Variants in EXD3 observed in about 807,000 individuals in gnomAD.
EXD3 encodes exonuclease mut-7 homolog.
EXD3 carries 92 observed loss-of-function variants against 98.0 expected under a neutral mutation model. The observed-to-expected ratio is 0.94, with a 90% CI of 0.79 to 1.12. The LOEUF (loss-of-function observed/expected upper bound fraction) is 1.12, where lower values mean the gene tolerates loss of function less well. Among genes scored for constraint, EXD3 ranks in the 50% most tolerant of loss-of-function variants. EXD3 has a pLI of 0.00. For missense variants in EXD3, 1,222 were observed against 1,191.6 expected, an observed-to-expected ratio of 1.03 and a Z score of -0.38; for synonymous variants, 569 against 526.0, an observed-to-expected ratio of 1.08 and a Z score of -1.12.
chr9:137,323,506 G>A (rs1264298570), intron 19 of EXD3, among the ~76,000 whole-genome samples: 2 of 93,984 alleles, frequency 2.1e-5, no homozygotes, highest in Non-Finnish European at 3.9e-5. Flanking sequence ...ATGATCTGCC[G>A]ACACCTCACC....
At position 137,420,246 on chromosome 9, in the gene EXD3, C is replaced by T. The variant is rs979919173; in HGVS notation, c.-48+2868G>A. On this transcript the variant is annotated intron_variant, in intron 1 of 21. Transcript: ENST00000340951. ...GCTTTTTATGATTTTTTGTTGTTAT[C>T]GAAACCTTGCTGACTCTTTTTATAT... 6.6e-5 allele frequency among the ~76,000 whole-genome samples: 10 copies of T among 151,560 alleles called. No individual in the cohort carries two copies. The South Asian group carries it at 1.0e-3, about 16-fold the overall frequency.
At chr9:137,415,131 G>T (rs776959822) in intron 1 of EXD3, among the ~76,000 whole-genome samples, 1 of 151,630 alleles carries the variant, frequency 6.6e-6, no homozygotes, top group Non-Finnish European at 1.5e-5. Flanking sequence ...CAAGCAATCC[G>T]CCCACCTCGG....
chr9:137,387,625 C>A lies in EXD3; in HGVS notation c.56-4248G>T, dbSNP rs537522756. Among the ~76,000 whole-genome samples, 96 of 152,276 alleles carry A rather than the reference C, an allele frequency of 6.3e-4. 1 individual carries two copies. Among genetic ancestry groups the A allele is most frequent in the African/African-American group, 2.2e-3 (92 of 41,556 alleles). On this transcript the variant is annotated intron_variant, in intron 2 of 21. Coordinates refer to ENST00000340951, the MANE Select transcript of EXD3 (RefSeq NM_017820.5). The stretch of plus-strand genomic sequence containing the variant: ...GCCTGGGAGAGCCCTGGGGGACACA[C>A]CCCACTCAGCACACAGCACCCCACG...
At chr9:137,374,443 G>A (rs768000603) in intron 3 of EXD3, 16 of 506,904 alleles carry the variant, frequency 3.2e-5, no homozygotes, top group East Asian at 1.5e-4. Context: ...TCGTCCCTGC[G>A]ATGTGGATGG....
Position 137,328,650 on chromosome 9 carries a change from GACTACAC to G in EXD3, c.1999-4514_1999-4508del, listed in dbSNP as rs2119127916. ...CACGGGACTACACGGGGCTACACGG[GACTACAC>G]GGGACTACACGGGACTACACGGGGC... is the stretch of plus-strand genomic sequence containing the variant. On this transcript the variant is annotated intron_variant, in intron 17 of 21. Coordinates refer to ENST00000340951, the MANE Select transcript of EXD3 (RefSeq NM_017820.5). 8.3e-5 allele frequency among the ~76,000 whole-genome samples: 7 copies of G among 84,596 alleles called. 1 individual carries two copies. The highest frequency in any genetic ancestry group is 3.9e-4 in the African/African-American group (6 of 15,332). 55.5% of individuals were successfully genotyped at this position (84,596 alleles called of 152,430 possible).
intron 5 of EXD3, among the ~76,000 whole-genome samples, chr9:137,370,494 C>T (rs1244956045): frequency 1.3e-5 from 2 of 151,740 alleles, no homozygotes; most frequent in Non-Finnish European, 2.9e-5. Context: ...CCTCTGCTGC[C>T]AGAGGATGGG....
At chr9:137,389,600 C>T (rs555718639) in intron 2 of EXD3, among the ~76,000 whole-genome samples, 4 of 152,210 alleles carry the variant, frequency 2.6e-5, no homozygotes, top group East Asian at 1.9e-4. Context: ...ATGAGGCGGA[C>T]GCCACTCAGA....
At chr9:137,309,225 G>T (rs766513156) in intron 20 of EXD3, among the ~76,000 whole-genome samples, 1 of 152,242 alleles carries the variant, frequency 6.6e-6, no homozygotes, top group East Asian at 1.9e-4. Context: ...CCTTCCCTGG[G>T]GGGGTGGACA....
In EXD3 at chr9:137,322,797, C is replaced by G. The variant is rs11522289; in HGVS notation, c.2184+928G>C. ...AGGGATTCTCTGCCGACACCCCACC[C>G]CGGACCCACGAGGGATGCTCTGCCG... On this transcript the variant is annotated intron_variant, in intron 19 of 21. Transcript: ENST00000340951. Among the ~76,000 whole-genome samples, 113 of 60,276 alleles carry G rather than the reference C, an allele frequency of 1.9e-3. 8 individuals are homozygous for G. The highest frequency in any genetic ancestry group is 2.2e-3 in the Non-Finnish European group (72 of 32,368). 39.5% of individuals were successfully genotyped at this position (60,276 alleles called of 152,430 possible).
At position 137,395,367 on chromosome 9, in the gene EXD3, C is replaced by T. The variant is rs368169280; in HGVS notation, c.-10G>A. 1.2e-4 allele frequency: 186 copies of T among 1,613,312 alleles called. No individual in the cohort carries two copies. Among genetic ancestry groups the T allele is most frequent in the Admixed American group, 2.0e-4 (12 of 60,024 alleles). On this transcript the variant is annotated 5_prime_UTR_variant, in exon 2 of 22. Coordinates refer to ENST00000340951, the MANE Select transcript of EXD3 (RefSeq NM_017820.5). The surrounding 1 kb of genome is among the most constrained non-coding windows in gnomAD (Gnocchi z 6.5). ...GATCTCCTGGGTCCATCCTCAGGGC[C>T]GGGCCGAGGACGCTGGCAGGCAGCT...
At chr9:137,368,425 C>A (rs1230417783) in intron 5 of EXD3, among the ~76,000 whole-genome samples, 1 of 152,198 alleles carries the variant, frequency 6.6e-6, no homozygotes, top group African/African-American at 2.4e-5. Flanking sequence ...AGGCTGAGGA[C>A]CCCCAGCCTC....
rs1837792002 is a variant in EXD3 at position 137,407,628 on chromosome 9, A to C, written c.-47-12224T>G. 1.3e-5 allele frequency among the ~76,000 whole-genome samples: 2 copies of C among 152,190 alleles called. No individual in the cohort carries two copies. The highest frequency in any genetic ancestry group is 4.8e-5 in the African/African-American group (2 of 41,454). ...CAGGGAAGGATGGAGACGCAGCTCCAGACCCCAGAGTGCGGCCCCCCAGAC... is the reference window on the plus strand; with the variant it reads ...CAGGGAAGGATGGAGACGCAGCTCCCGACCCCAGAGTGCGGCCCCCCAGAC... On this transcript the variant is annotated intron_variant, in intron 1 of 21. Transcript: ENST00000340951. This position sits in a 1 kb window ranked among gnomAD's most constrained non-coding sequence, Gnocchi z 4.4.
intron 3 of EXD3, among the ~76,000 whole-genome samples, chr9:137,382,640 C>T (rs1248916024): frequency 1.3e-5 from 2 of 152,132 alleles, no homozygotes; most frequent in East Asian, 3.9e-4. Context: ...AGCGCCAGGG[C>T]TGGGGTCAGA....
chr9:137,418,232 A>G (rs571445376), intron 1 of EXD3, among the ~76,000 whole-genome samples: 3 of 152,306 alleles, frequency 2.0e-5, no homozygotes, highest in Admixed American at 6.5e-5. Flanking sequence ...CTGTAGTCCC[A>G]GCTAACTCAG....
intron 17 of EXD3, among the ~76,000 whole-genome samples, chr9:137,335,226 C>A (rs532177505): frequency 1.3e-5 from 2 of 152,142 alleles, no homozygotes; most frequent in African/African-American, 4.8e-5. Context: ...AGAATCCCAT[C>A]AAAAAATGGG....
chr9:137,404,651 G>T (rs757214358), intron 1 of EXD3, among the ~76,000 whole-genome samples: 2 of 152,136 alleles, frequency 1.3e-5, no homozygotes, highest in South Asian at 4.1e-4. Context: ...ACCTGAGGTC[G>T]GGAGTTCGAG....
At chr9:137,373,667 C>T (rs1404824514) in intron 3 of EXD3, 68 bp from the exon 4 acceptor site, 1 of 1,458,318 alleles carries the variant, frequency 6.9e-7, no homozygotes, top group Non-Finnish European at 9.2e-7. Flanking sequence ...GGCCTCCCCA[C>T]CGCAGAGAGG....
chr9:137,309,457 G>A (rs953076094), intron 20 of EXD3, 150 bp downstream of exon 20: 12 of 646,656 alleles, frequency 1.9e-5, no homozygotes, highest in Non-Finnish European at 2.7e-5. Context: ...TTGTCACCTG[G>A]CTGTGGTTTT....
chr9:137,377,593 C>A (rs1256401987), intron 3 of EXD3, among the ~76,000 whole-genome samples: 1 of 145,686 alleles, frequency 6.9e-6, no homozygotes, highest in African/African-American at 2.5e-5. Flanking sequence ...TGCTGATGCG[C>A]ACCTTTAATC....
Sources: gnomAD v4.1 joint callset for allele counts (sites outside exome capture counted in the v4.1 genomes callset) on GRCh38, gnomAD v4.1.1 for gene constraint, Gnocchi (gnomAD v3.1) non-coding constraint, MANE v1.5 for transcripts, NCBI Gene and HGNC (gene_info 2026-07-23, HGNC 2026-07-21) for gene names.